The following FRAS1 variants were observed in gnomAD, a reference collection of about 807,000 sequenced individuals.
FRAS1 encodes extracellular matrix organizing protein FRAS1.
In FRAS1, 290 loss-of-function variants were observed where a neutral mutation model predicts 435.2. The observed-to-expected ratio is 0.67, with a 90% CI of 0.61 to 0.73. FRAS1 has a LOEUF of 0.73. Among genes scored for constraint, FRAS1 ranks in the 30% least tolerant of loss-of-function variants. The pLI is 0.00. For synonymous variants in FRAS1, 1,800 were observed against 1,851.0 expected (o/e 0.97, Z 0.71); for missense variants, 4,860 against 5,001.5 (o/e 0.97, Z 0.85).
At chr4:78,373,621 T>TA (rs1731601592) in intron 24 of FRAS1, among the ~76,000 whole-genome samples, 1 of 151,532 alleles carries the variant, frequency 6.6e-6, no homozygotes, top group Non-Finnish European at 1.5e-5. Flanking sequence ...CTACTAAAAA[T>TA]ACAAAATTAG....
chr4:78,143,178 C>T (rs952826776), intron 2 of FRAS1, among the ~76,000 whole-genome samples: 1 of 151,968 alleles, frequency 6.6e-6, no homozygotes, highest in Non-Finnish European at 1.5e-5. Flanking sequence ...AAATACCATG[C>T]AAACACTAAT....
intron 2 of FRAS1, among the ~76,000 whole-genome samples, chr4:78,102,874 A>C (rs1470362961): frequency 6.6e-6 from 1 of 152,080 alleles, no homozygotes; most frequent in Non-Finnish European, 1.5e-5. Context: ...AAATGAAAAC[A>C]CCTCTAGATT....
At chr4:78,518,450 A>ATATATTTATT (rs1487744216) in intron 66 of FRAS1, among the ~76,000 whole-genome samples, 20 of 69,334 alleles carry the variant, frequency 2.9e-4, no homozygotes, top group African/African-American at 7.6e-4. Flanking sequence ...ATATATATAT[A>ATATATTTATT]TATTTATTTA....
chr4:78,292,697 C>T (rs949308689), intron 14 of FRAS1, among the ~76,000 whole-genome samples: 7 of 152,176 alleles, frequency 4.6e-5, no homozygotes, highest in Non-Finnish European at 7.3e-5. Flanking sequence ...GAGCCCTCCT[C>T]GCAAGACAGG....
intron 2 of FRAS1, among the ~76,000 whole-genome samples, chr4:78,163,130 T>C (rs1016755652): frequency 6.6e-6 from 1 of 152,206 alleles, no homozygotes; most frequent in Non-Finnish European, 1.5e-5. Context: ...AAACCTCAGA[T>C]GACAAAAGAG....
intron 18 of FRAS1, among the ~76,000 whole-genome samples, chr4:78,323,152 T>C (rs1729574257): frequency 6.6e-6 from 1 of 152,238 alleles, no homozygotes; most frequent in Non-Finnish European, 1.5e-5. Flanking sequence ...GGCAGAACTT[T>C]GACTTCATGT....
At chr4:78,116,085 G>T (rs1195209269) in intron 2 of FRAS1, among the ~76,000 whole-genome samples, 1 of 152,098 alleles carries the variant, frequency 6.6e-6, no homozygotes, top group African/African-American at 2.4e-5. Context: ...ATTTCATTAT[G>T]TACCCAGTAG....
rs373204056 is a variant in FRAS1 at position 78,489,029 on chromosome 4, G to A, written c.8907G>A (p.Glu2969=). 55 of 1,613,530 alleles carry A rather than the reference G, an allele frequency of 3.4e-5. No individual in the cohort carries two copies. The highest frequency in any genetic ancestry group is 4.5e-5 in the Non-Finnish European group (53 of 1,179,720). ...SHSAQVMEDF[E]ERQNADSSRI... ...CCGCTCAGGTCATGGAGGACTTTGAGGAGAGACAAAATGCAGACTCTTCAC... is the reference window on the plus strand; with the variant it reads ...CCGCTCAGGTCATGGAGGACTTTGAAGAGAGACAAAATGCAGACTCTTCAC... The change falls in exon 59 of 74, where the codon GAG becomes GAA. Residue 2969 remains glutamate (E), a synonymous_variant. Transcript: ENST00000512123.
chr4:78,340,151 C>A (rs1035634231), intron 20 of FRAS1, among the ~76,000 whole-genome samples: 1 of 152,010 alleles, frequency 6.6e-6, no homozygotes, highest in African/African-American at 2.4e-5. Context: ...TAATAGGGAA[C>A]CTTTAGAAGG....
Position 78,477,948 on chromosome 4 carries a change from A to G in FRAS1, c.7985A>G (p.Gln2662Arg), listed in dbSNP as rs561911404. 5.6e-6 allele frequency: 9 copies of G among 1,613,592 alleles called. No homozygotes were observed. In the Admixed American group the frequency reaches 1.3e-4, roughly 24 times the overall value. ...PAYALLGEFT[Q>R]AKVIINDTED... Reference sequence around the variant, plus strand: ...TATGCCCTGTTAGGGGAATTCACCCAGGCGAAGGTCATTATCAACGATACC... The same window carrying G: ...TATGCCCTGTTAGGGGAATTCACCCGGGCGAAGGTCATTATCAACGATACC... The change falls in exon 55 of 74, where the codon CAG (glutamine) becomes CGG (arginine). Residue 2662 changes from glutamine to arginine, a missense_variant. Transcript: ENST00000512123.
intron 2 of FRAS1, among the ~76,000 whole-genome samples, chr4:78,084,572 G>C (rs890249481): frequency 6.6e-6 from 1 of 152,096 alleles, no homozygotes; most frequent in African/African-American, 2.4e-5. Context: ...TGCTCAGTTT[G>C]TCCCATCTTT....
At chr4:78,239,818 A>T (rs539674794) in intron 3 of FRAS1, among the ~76,000 whole-genome samples, 25 of 152,296 alleles carry the variant, frequency 1.6e-4, no homozygotes, top group African/African-American at 5.5e-4. Flanking sequence ...ATATACATAT[A>T]TGTATACATA....
chr4:78,195,361 C>T (rs971552721), intron 2 of FRAS1, among the ~76,000 whole-genome samples: 1 of 152,224 alleles, frequency 6.6e-6, no homozygotes, highest in East Asian at 1.9e-4. Flanking sequence ...CATTGCCCTG[C>T]CCCCAGAGGT....
intron 27 of FRAS1, among the ~76,000 whole-genome samples, chr4:78,382,651 G>A (rs1443412326): frequency 3.9e-5 from 6 of 152,082 alleles, no homozygotes; most frequent in East Asian, 1.9e-4. Context: ...AAGCAATCAC[G>A]TTTATTGAGG....
intron 2 of FRAS1, chr4:78,181,606 T>C (rs982171026): frequency 9.3e-6 from 15 of 1,610,962 alleles, no homozygotes; most frequent in Non-Finnish European, 1.3e-5. Context: ...ATTAGCCTCC[T>C]TCACCCTTTT....
chr4:78,363,929 C>G lies in FRAS1; in HGVS notation c.2597C>G (p.Thr866Ser). ...ACKKCHSSCR[T>S]CQGRGPFSCS... ...GCAGAATGCCACTCCTCCTGCAGAA[C>G]CTGCCAGGGCAGAGGACCTTTCTCC... is the stretch of plus-strand genomic sequence containing the variant. Residue 866 changes from threonine to serine, a missense_variant, in exon 22 of 74, where the codon ACC (threonine) becomes AGC (serine). By Grantham distance (58) the Thr-to-Ser change is moderately conservative. Coordinates refer to ENST00000512123, the MANE Select transcript of FRAS1 (RefSeq NM_025074.7). The G allele has an allele frequency of 6.2e-7, 1 of 1,611,166 alleles. No individual in the cohort carries two copies. Among genetic ancestry groups the G allele is most frequent in the Non-Finnish European group, 8.5e-7 (1 of 1,178,816 alleles).
rs756271733 is a variant in FRAS1, at chr4:78,407,833, C to T, written c.4300C>T (p.Arg1434Cys). 24 of 1,598,166 alleles carry T rather than the reference C, an allele frequency of 1.5e-5. No homozygotes were observed. Among genetic ancestry groups the T allele is most frequent in the East Asian group, 2.3e-5 (1 of 44,286 alleles). Residue 1434 changes from arginine (R) to cysteine (C), a missense_variant, in exon 31 of 74, where the codon CGC (arginine) becomes TGC (cysteine). Arg to Cys is a radical substitution (Grantham distance 180). Transcript: ENST00000512123. ...SGAPAQSDSF[R>C]FEVSSASNAQ... The stretch of plus-strand genomic sequence containing the variant: ...AGCCCCAGCCCAGAGCGACTCCTTC[C>T]GCTTCGAGGTACCCTCTGCTTCCTG...
intron 9 of FRAS1, among the ~76,000 whole-genome samples, chr4:78,276,167 A>G (rs961553874): frequency 6.6e-6 from 1 of 152,192 alleles, no homozygotes; most frequent in Admixed American, 6.5e-5. Flanking sequence ...CAGCTCCATC[A>G]GGTCATTTAA....
rs114032089 is a variant in FRAS1 at position 78,532,722 on chromosome 4, G to A, written c.10926-1727G>A. Among the ~76,000 whole-genome samples, 959 of 152,142 alleles carry A rather than the reference G, an allele frequency of 6.3e-3. 8 individuals carry two copies. Among genetic ancestry groups the A allele is most frequent in the African/African-American group, 0.022 (893 of 41,502 alleles). On this transcript the variant is annotated intron_variant, in intron 70 of 73. Transcript: ENST00000512123. The stretch of plus-strand genomic sequence containing the variant: ...CAGCTTTTTATGATTCCATATATAA[G>A]TGAAATTGTGCAGTATTTTTCTGTG...
Sources: allele counts gnomAD v4.1 joint callset (sites outside exome capture counted in the v4.1 genomes callset), GRCh38; gene constraint gnomAD v4.1.1; transcripts MANE v1.5; gene names NCBI Gene and HGNC (gene_info 2026-07-23, HGNC 2026-07-21).